TTLL9: variants seen among roughly 807,000 people sequenced by gnomAD.
TTLL9 encodes the protein tubulin tyrosine ligase like 9.
A neutral mutation model predicts 65.6 loss-of-function variants in TTLL9; 47 were observed. The observed-to-expected ratio is 0.72, with a 90% CI of 0.57 to 0.91. The LOEUF (loss-of-function observed/expected upper bound fraction) is 0.91. Ranked by LOEUF, TTLL9 falls within the 40% of genes least tolerant of loss-of-function variation. The pLI, the probability that TTLL9 is intolerant of heterozygous loss-of-function variation, is 0.00. For missense variants in TTLL9, 537 were observed against 568.8 expected (o/e 0.94, Z 0.57); for synonymous variants, 179 against 204.8 (o/e 0.87, Z 1.07).
At chr20:31,892,290 G>A (rs979725786) in intron 3 of TTLL9, among the ~76,000 whole-genome samples, 3 of 148,576 alleles carry the variant, frequency 2.0e-5, no homozygotes, top group African/African-American at 2.5e-5. Flanking sequence ...AGTGATTCTC[G>A]TGCCTCAGCC....
intron 2 of TTLL9, among the ~76,000 whole-genome samples, chr20:31,876,912 CAT>C (rs1160989064): frequency 6.6e-6 from 1 of 152,062 alleles, no homozygotes; most frequent in Non-Finnish European, 1.5e-5. Context: ...AAAACATTGA[CAT>C]ATTTTATTTT....
chr20:31,932,467 GTC>G (rs2064033779), intron 10 of TTLL9, among the ~76,000 whole-genome samples: 3 of 59,722 alleles, frequency 5.0e-5, no homozygotes, highest in Non-Finnish European at 9.7e-5. Context: ...GCAAGACCCT[GTC>G]TCAAAAAAAA....
chr20:31,887,212 G>T lies in TTLL9; in HGVS notation c.86G>T (p.Gly29Val). Residue 29 changes from glycine to valine, a missense_variant, in exon 3 of 15, where the codon GGC (glycine) becomes GTC (valine). By Grantham distance (109) the Gly-to-Val change is moderately radical. Transcript: ENST00000535842. Reference protein sequence around the residue: ...PKKLQNQNYKGHGLSKGKERE... With the variant: ...PKKLQNQNYKVHGLSKGKERE... ...TCATTGCAGAACCAAAATTACAAGG[G>T]CCATGGATTGTCAAAGGGAAAAGAG... The T allele has an allele frequency of 6.2e-7, 1 of 1,614,068 alleles. No individual in the cohort carries two copies. Among genetic ancestry groups the T allele is most frequent in the Non-Finnish European group, 8.5e-7 (1 of 1,180,022 alleles).
At chr20:31,909,559 T>G (rs1198823445) in intron 5 of TTLL9, among the ~76,000 whole-genome samples, 178 bp from the exon 6 acceptor site, 2 of 152,178 alleles carry the variant, frequency 1.3e-5, no homozygotes, top group Non-Finnish European at 2.9e-5. Flanking sequence ...TTTCCTCATC[T>G]GTGAAGTGGG....
intron 3 of TTLL9, among the ~76,000 whole-genome samples, chr20:31,892,793 G>A (rs1050348388): frequency 3.9e-5 from 6 of 152,184 alleles, no homozygotes; most frequent in African/African-American, 7.2e-5. Flanking sequence ...CCTTATCACA[G>A]TCTACCTTGA....
Position 31,898,507 on chromosome 20 carries a change from C to G in TTLL9, c.148C>G (p.Leu50Val). The G allele has an allele frequency of 1.2e-6, 2 of 1,614,202 alleles. No individual in the cohort carries two copies. The highest frequency in any genetic ancestry group is 1.7e-6 in the Non-Finnish European group (2 of 1,180,036). ...AGCATCGATCCGGTTCAAGACCACC[C>G]TCATGAACACACTCATGGACGTCCT... Reference protein sequence around the residue: ...QRASIRFKTTLMNTLMDVLRH... With the variant: ...QRASIRFKTTVMNTLMDVLRH... The change falls in exon 4 of 15, where the codon CTC becomes GTC. Residue 50 changes from leucine (L) to valine (V), a missense_variant. By Grantham distance (32) the Leu-to-Val change is conservative (BLOSUM62 1). Around this residue, in one of 3 missense-constraint regions of TTLL9, gnomAD observed 320 missense variants for 311.0 expected, o/e 1.03. Coordinates refer to ENST00000535842, the MANE Select transcript of TTLL9 (RefSeq NM_001008409.5).
chr20:31,891,117 C>T (rs367684202), intron 3 of TTLL9, among the ~76,000 whole-genome samples: 30 of 152,278 alleles, frequency 2.0e-4, no homozygotes, highest in African/African-American at 6.3e-4. Context: ...CGTGCATATT[C>T]GACTTTACTA....
intron 2 of TTLL9, among the ~76,000 whole-genome samples, chr20:31,876,770 G>A (rs1298971962): frequency 6.6e-6 from 1 of 152,090 alleles, no homozygotes; most frequent in Admixed American, 6.6e-5. Flanking sequence ...GCATGTAAAG[G>A]CTCCCGTTTC....
chr20:31,889,932 A>T (rs1423226891), intron 3 of TTLL9, among the ~76,000 whole-genome samples: 1 of 152,018 alleles, frequency 6.6e-6, no homozygotes, highest in Non-Finnish European at 1.5e-5. Context: ...CATGATCAGG[A>T]CAGGAAGAAG....
At chr20:31,920,043 C>A in intron 7 of TTLL9, 111 bp downstream of exon 7, 1 of 1,008,856 alleles carries the variant, frequency 9.9e-7, no homozygotes, top group Non-Finnish European at 1.4e-6. Context: ...GAAACTCTGC[C>A]CACAGGTCTG....
At chr20:31,913,073 C>T (rs1042232253) in intron 6 of TTLL9, among the ~76,000 whole-genome samples, 3 of 151,984 alleles carry the variant, frequency 2.0e-5, no homozygotes, top group African/African-American at 4.8e-5. Context: ...GGTGGGAGGA[C>T]CACTTGGGCC....
intron 10 of TTLL9, among the ~76,000 whole-genome samples, chr20:31,928,754 T>C (rs1052076871): frequency 2.6e-5 from 4 of 152,192 alleles, no homozygotes; most frequent in Admixed American, 2.0e-4. Flanking sequence ...AAACAGATGA[T>C]TAAGTGAAAA....
intron 8 of TTLL9, 48 bp downstream of exon 8, chr20:31,923,101 ACAGT>A (rs1186391386): frequency 1.4e-6 from 2 of 1,441,098 alleles, no homozygotes; most frequent in Admixed American, 1.7e-5. Context: ...TGGTCATCAA[ACAGT>A]CAGTCAACAA....
At chr20:31,935,124 G>A (rs1600625319) in intron 12 of TTLL9, among the ~76,000 whole-genome samples, 1 of 152,188 alleles carries the variant, frequency 6.6e-6, no homozygotes, top group Non-Finnish European at 1.5e-5. Context: ...GAGCACTGAG[G>A]ACCGAGCCTG....
chr20:31,920,623 GA>G (rs2063803044), intron 7 of TTLL9: 1 of 152,710 alleles, frequency 6.5e-6, no homozygotes, highest in Non-Finnish European at 1.5e-5. Flanking sequence ...TCAATGTCTT[GA>G]CTCCTCCCAT....
chr20:31,942,629 CG>C (rs1206175050), intron 14 of TTLL9, among the ~76,000 whole-genome samples: 7 of 152,262 alleles, frequency 4.6e-5, no homozygotes, highest in Middle Eastern at 3.4e-3. Context: ...ATCATTCCTG[CG>C]AGGGCCAAAC....
At chr20:31,894,715 GTA>G (rs558806927) in intron 3 of TTLL9, among the ~76,000 whole-genome samples, 132 of 142,976 alleles carry the variant, frequency 9.2e-4, no homozygotes, top group African/African-American at 3.4e-3. Flanking sequence ...ATATATACAT[GTA>G]TATACACACA....
Position 31,943,642 on chromosome 20 carries a change from C to A in TTLL9, c.*621C>A. On this transcript the variant is annotated 3_prime_UTR_variant, in exon 15 of 15. Coordinates refer to ENST00000535842, the MANE Select transcript of TTLL9 (RefSeq NM_001008409.5). ...GGGCTCCCTGACCATCATCTGAAAA[C>A]CAGTGGGACAGGGCATCCCCATTTC... is the stretch of plus-strand genomic sequence containing the variant. 2.3e-6 allele frequency: 1 copy of A among 434,606 alleles called. No homozygotes were observed. Among genetic ancestry groups the A allele is most frequent in the Admixed American group, 2.5e-5 (1 of 39,242 alleles). The allele number at this position is 434,606 out of a possible 1,614,324, so 26.9% of individuals were successfully genotyped here.
intron 2 of TTLL9, chr20:31,883,873 C>T (rs2063152138): frequency 2.5e-6 from 1 of 403,006 alleles, no homozygotes; most frequent in African/African-American, 2.1e-5. Flanking sequence ...CTCTTGTGAT[C>T]AGGAGCAAGA....
Sources: gnomAD v4.1 joint callset for allele counts (sites outside exome capture counted in the v4.1 genomes callset) on GRCh38, gnomAD v4.1.1 for gene constraint, gnomAD v4.1.1 regional missense constraint, MANE v1.5 for transcripts, NCBI Gene and HGNC (gene_info 2026-07-23, HGNC 2026-07-21) for gene names.